The following ATP10D variants were observed in gnomAD, a reference collection of about 807,000 sequenced individuals.
ATP10D encodes the protein ATPase phospholipid transporting 10D (putative), also known as phospholipid-transporting ATPase VD.
In ATP10D, 89 loss-of-function variants were observed where a neutral mutation model predicts 144.8. The ratio of observed to expected loss-of-function variants is 0.61; its 90% CI spans 0.52 to 0.73. ATP10D has a LOEUF of 0.73. Ranked by LOEUF, ATP10D falls within the 30% of genes least tolerant of loss-of-function variation. The pLI is 0.00. For missense variants in ATP10D, 1,603 were observed against 1,714.8 expected, an observed-to-expected ratio of 0.93 and a Z score of 1.15; for synonymous variants, 571 against 615.1, an observed-to-expected ratio of 0.93 and a Z score of 1.06.
At chr4:47,588,804 G>GA (rs1720902194) in intron 22 of ATP10D, among the ~76,000 whole-genome samples, 1 of 152,126 alleles carries the variant, frequency 6.6e-6, no homozygotes, top group Admixed American at 6.5e-5. Context: ...CAGAATTTCT[G>GA]AAAAAACAAT....
chr4:47,546,880 AC>A lies in ATP10D; in HGVS notation c.1635+19del, dbSNP rs1301803348. 3.1e-6 allele frequency: 5 copies of A among 1,597,984 alleles called. No individual in the cohort carries two copies. The highest frequency in any genetic ancestry group is 4.3e-6 in the Non-Finnish European group (5 of 1,167,080). ...GCCCCATTGTAAGTATGAATGCATG[AC>A]TAGAGTCTTGCACATCCACAATGTA... On this transcript the variant is annotated intron_variant, in intron 10 of 22. Transcript: ENST00000273859.
At position 47,572,228 on chromosome 4, in the gene ATP10D, C is replaced by T. The variant is rs767060029; in HGVS notation, c.3238C>T (p.Gln1080Ter). ...AGGGGTCTCAGGTCAAGAAGGCATG[C>T]AGGTGAGTGGATATTGTGCACCCAA... is the stretch of plus-strand genomic sequence containing the variant. The part of the protein sequence containing the change: ...GIGVSGQEGM[Q>*]AVMASDFAVS... Residue 1080 changes from glutamine (Q) to a stop codon, truncating the protein, a stop_gained and splice_region_variant, in exon 17 of 23, where the codon CAG (glutamine) becomes TAG (stop). Coordinates refer to ENST00000273859, the MANE Select transcript of ATP10D (RefSeq NM_020453.4). LOFTEE classifies it high-confidence loss of function. The T allele has an allele frequency of 1.9e-6, 3 of 1,613,606 alleles. No homozygotes were observed. The East Asian group carries it at 6.7e-5, about 36-fold the overall frequency.
chr4:47,559,882 C>A (rs1380053088), intron 13 of ATP10D, among the ~76,000 whole-genome samples: 2 of 152,148 alleles, frequency 1.3e-5, no homozygotes, highest in Non-Finnish European at 2.9e-5. Context: ...TGCCTGTAAT[C>A]CCAGCTACTC....
chr4:47,560,182 A>G (rs1224594885), intron 13 of ATP10D: 3 of 152,198 alleles, frequency 2.0e-5, no homozygotes, highest in Admixed American at 2.0e-4. Context: ...ATAAGTAGGC[A>G]GAGAGGGGAA....
At chr4:47,586,035 CAGT>C (rs1166207713) in intron 21 of ATP10D, among the ~76,000 whole-genome samples, 1 of 152,142 alleles carries the variant, frequency 6.6e-6, no homozygotes, top group Non-Finnish European at 1.5e-5. Context: ...CTGGATCATA[CAGT>C]AGCTTAATTT....
At chr4:47,492,848 A>G (rs1425197852) in intron 1 of ATP10D, among the ~76,000 whole-genome samples, 1 of 152,178 alleles carries the variant, frequency 6.6e-6, no homozygotes, top group Non-Finnish European at 1.5e-5. Context: ...GTAATATGCT[A>G]TATTCTTTAA....
intron 4 of ATP10D, among the ~76,000 whole-genome samples, chr4:47,523,609 A>G (rs777799506): frequency 6.6e-6 from 1 of 152,190 alleles, no homozygotes; most frequent in Non-Finnish European, 1.5e-5. Flanking sequence ...GCTTCTCAGT[A>G]TTGTGCAGAC....
intron 16 of ATP10D, among the ~76,000 whole-genome samples, chr4:47,570,568 CT>C (rs747891223): frequency 3.9e-5 from 6 of 152,082 alleles, no homozygotes; most frequent in Admixed American, 1.3e-4. Flanking sequence ...CTTTGGGAGG[CT>C]GAGGTGGGTG....
intron 1 of ATP10D, among the ~76,000 whole-genome samples, chr4:47,506,787 A>G (rs1249592102): frequency 6.6e-6 from 1 of 152,204 alleles, no homozygotes; most frequent in East Asian, 1.9e-4. Flanking sequence ...CAGGGTTCCT[A>G]TGGTTGGCAG....
Position 47,512,687 on chromosome 4 carries a change from G to A in ATP10D, c.147G>A (p.Arg49=), listed in dbSNP as rs370005879. Residue 49 remains arginine (R), a synonymous_variant, in exon 2 of 23, where the codon AGG becomes AGA. Coordinates refer to ENST00000273859, the MANE Select transcript of ATP10D (RefSeq NM_020453.4). ...KSSQTPKLSG[R]HRIVVPHIQP... is the part of the protein sequence containing the mutation. Reference sequence around the variant, plus strand: ...CTCAGACCCCTAAACTGTCAGGAAGGCACCGGATTGTTGTTCCCCACATCC... The same window carrying A: ...CTCAGACCCCTAAACTGTCAGGAAGACACCGGATTGTTGTTCCCCACATCC... 1.9e-6 allele frequency: 3 copies of A among 1,614,080 alleles called. No homozygotes were observed. The highest frequency in any genetic ancestry group is 1.6e-4 in the Middle Eastern group (1 of 6,084).
At position 47,546,586 on chromosome 4, in the gene ATP10D, T is replaced by C. The variant is rs780516090; in HGVS notation, c.1397-38T>C. The C allele has an allele frequency of 5.7e-6, 9 of 1,574,066 alleles. No homozygotes were observed. In the South Asian group the frequency reaches 1.0e-4, roughly 17 times the overall value. On this transcript the variant is annotated intron_variant, in intron 9 of 22. Coordinates refer to ENST00000273859, the MANE Select transcript of ATP10D (RefSeq NM_020453.4). ...GATATATTCAACTTACAAGTGGCTC[T>C]TCTCAGACATTGACTCAGTGTGCTT...
At chr4:47,539,723 C>T (rs1319599788) in intron 9 of ATP10D, among the ~76,000 whole-genome samples, 5 of 152,190 alleles carry the variant, frequency 3.3e-5, no homozygotes, top group African/African-American at 1.2e-4. Context: ...CACAGATCCC[C>T]ATTTTTAGGA....
chr4:47,502,486 C>G (rs1715752096), intron 1 of ATP10D, among the ~76,000 whole-genome samples: 1 of 150,364 alleles, frequency 6.7e-6, no homozygotes, highest in East Asian at 1.9e-4. Flanking sequence ...AAAAAAAAAT[C>G]TGAAGTGTAT....
rs562371842 is a variant in ATP10D, at chr4:47,572,641, G to A, written c.3241-231G>A. 5.8e-4 allele frequency among the ~76,000 whole-genome samples: 60 copies of A among 103,776 alleles called. 1 individual carries two copies. In the South Asian group the frequency reaches 0.013, roughly 22 times the overall value. 68.1% of individuals were successfully genotyped at this position (103,776 alleles called of 152,430 possible). A position where few individuals can be genotyped will look rare whatever the true frequency, so the allele number is the denominator to read the frequency against. Reference sequence around the variant, plus strand: ...GGAAGTGGGAGTGTCCTATTTGTGCGCACGTGTGTGTGTGTGTGTGTGTGT... The same window carrying A: ...GGAAGTGGGAGTGTCCTATTTGTGCACACGTGTGTGTGTGTGTGTGTGTGT... On this transcript the variant is annotated intron_variant, in intron 17 of 22. Coordinates refer to ENST00000273859, the MANE Select transcript of ATP10D (RefSeq NM_020453.4).
intron 4 of ATP10D, among the ~76,000 whole-genome samples, chr4:47,524,867 C>T (rs923468962): frequency 2.6e-5 from 4 of 151,918 alleles, no homozygotes; most frequent in African/African-American, 4.8e-5. Flanking sequence ...TTCACATTTT[C>T]ATGTTTCCTA....
At chr4:47,515,711 C>A in intron 3 of ATP10D, 41 bp downstream of exon 3, 1 of 1,446,808 alleles carries the variant, frequency 6.9e-7, no homozygotes, top group Non-Finnish European at 9.5e-7. Context: ...ATGTATGTAT[C>A]ATTGAGAAAT....
chr4:47,528,808 G>T (rs572925009), intron 5 of ATP10D, among the ~76,000 whole-genome samples: 1 of 152,028 alleles, frequency 6.6e-6, no homozygotes, highest in South Asian at 2.1e-4. Context: ...CTGCATCCTT[G>T]CCAACATCTG....
rs984286453 is a variant in ATP10D, at chr4:47,592,000, C to T, written c.*619C>T. The T allele has an allele frequency of 5.3e-5, 8 of 152,128 alleles. No individual in the cohort carries two copies. The highest frequency in any genetic ancestry group is 1.9e-4 in the African/African-American group (8 of 41,416). The allele number at this position is 152,128 out of a possible 1,614,324, so 9.4% of individuals were successfully genotyped here. ...TCTGGCTGAAGATGTAGGCATACCT[C>T]TCACTCATTTCAATGTTTTCCTGAG... On this transcript the variant is annotated 3_prime_UTR_variant, in exon 23 of 23. Coordinates refer to ENST00000273859, the MANE Select transcript of ATP10D (RefSeq NM_020453.4).
chr4:47,485,419 A>C lies in ATP10D; in HGVS notation c.-138A>C, dbSNP rs1467414391. On this transcript the variant is annotated 5_prime_UTR_variant, in exon 1 of 23. Transcript: ENST00000273859. Reference sequence around the variant, plus strand: ...CCCGGAAGGCAAATGGCTGGCGTGGAAGCACAACCCGCTTTCACTCTTCGA... The same window carrying C: ...CCCGGAAGGCAAATGGCTGGCGTGGCAGCACAACCCGCTTTCACTCTTCGA... 1 of 151,772 alleles carries C rather than the reference A, an allele frequency of 6.6e-6. No individual in the cohort carries two copies. The highest frequency in any genetic ancestry group is 1.5e-5 in the Non-Finnish European group (1 of 68,054). 9.4% of individuals were successfully genotyped at this position (151,772 alleles called of 1,614,324 possible).
Sources: gnomAD v4.1 joint callset for allele counts (sites outside exome capture counted in the v4.1 genomes callset) on GRCh38, gnomAD v4.1.1 for gene constraint, MANE v1.5 for transcripts, NCBI Gene and HGNC (gene_info 2026-07-23, HGNC 2026-07-21) for gene names.